Variants in MED12L observed in about 807,000 individuals in gnomAD.
MED12L encodes mediator complex subunit 12L, also known as mediator of RNA polymerase II transcription subunit 12-like protein.
MED12L carries 60 observed loss-of-function variants against 281.3 expected under a neutral mutation model. The ratio of observed to expected loss-of-function variants is 0.21; its 90% CI spans 0.17 to 0.26. MED12L has a LOEUF of 0.26. Among genes scored for constraint, MED12L ranks in the 10% least tolerant of loss-of-function variants. The pLI is 1.00. For missense variants in MED12L, 2,146 were observed against 2,680.9 expected, an observed-to-expected ratio of 0.80 and a Z score of 4.41; for synonymous variants, 974 against 987.2, an observed-to-expected ratio of 0.99 and a Z score of 0.25.
intron 12 of MED12L, among the ~76,000 whole-genome samples, chr3:151,187,907 T>G (rs1392540587): frequency 1.3e-5 from 2 of 152,208 alleles, no homozygotes; most frequent in Non-Finnish European, 2.9e-5. Flanking sequence ...GAAGACAACC[T>G]CAAATTATTT....
intron 39 of MED12L, among the ~76,000 whole-genome samples, chr3:151,396,580 C>G (rs1401474634): frequency 2.0e-5 from 3 of 152,214 alleles, no homozygotes; most frequent in Non-Finnish European, 4.4e-5. Flanking sequence ...GAGCCGAGAT[C>G]ACGCCACTGC....
chr3:151,414,984 C>A (rs1237065638), intron 42 of MED12L, among the ~76,000 whole-genome samples: 2 of 152,278 alleles, frequency 1.3e-5, no homozygotes, highest in African/African-American at 4.8e-5. Flanking sequence ...TTTCTTAAAT[C>A]ATTTTTTCCA....
At chr3:151,427,174 T>G (rs1433594923) in intron 43 of MED12L, among the ~76,000 whole-genome samples, 2 of 152,142 alleles carry the variant, frequency 1.3e-5, no homozygotes, top group Non-Finnish European at 2.9e-5. Flanking sequence ...AACATTTGAT[T>G]TGTTGTAATA....
intron 16 of MED12L, among the ~76,000 whole-genome samples, chr3:151,339,099 A>AT (rs1162281340): frequency 6.6e-6 from 1 of 152,024 alleles, no homozygotes; most frequent in Non-Finnish European, 1.5e-5. Context: ...GATGCTTAGT[A>AT]TTTTTTTATT....
chr3:151,231,348 C>T (rs1731629111), intron 16 of MED12L, among the ~76,000 whole-genome samples: 1 of 152,146 alleles, frequency 6.6e-6, no homozygotes, highest in African/African-American at 2.4e-5. Flanking sequence ...AGTCTGAAAA[C>T]ATACTCCCCC....
At chr3:151,239,464 T>C (rs896825738) in intron 16 of MED12L, among the ~76,000 whole-genome samples, 2 of 152,222 alleles carry the variant, frequency 1.3e-5, no homozygotes, top group Non-Finnish European at 2.9e-5. Flanking sequence ...GATATGAGAA[T>C]CCAACTGTCT....
chr3:151,409,915 TGATCTGTTGCCTTG>T (rs1485147410), intron 40 of MED12L, among the ~76,000 whole-genome samples: 15 of 152,166 alleles, frequency 9.9e-5, no homozygotes, highest in Admixed American at 8.5e-4. Flanking sequence ...CAGTGAGCTG[TGATCTGTTGCCTTG>T]GGCAACAGAG....
chr3:151,200,216 C>A (rs368137490), intron 16 of MED12L, among the ~76,000 whole-genome samples: 7 of 151,876 alleles, frequency 4.6e-5, no homozygotes, highest in African/African-American at 1.7e-4. Context: ...CTTGTCATGT[C>A]CCTCCCAAAT....
chr3:151,240,049 TTG>T (rs1553754052), intron 16 of MED12L, among the ~76,000 whole-genome samples: 2 of 151,514 alleles, frequency 1.3e-5, no homozygotes, highest in Non-Finnish European at 1.5e-5. Flanking sequence ...TTTTTTTTTT[TTG>T]TGTGTGTGTG....
intron 2 of MED12L, among the ~76,000 whole-genome samples, chr3:151,097,492 C>G (rs1202763447): frequency 2.0e-5 from 3 of 152,180 alleles, no homozygotes; most frequent in Admixed American, 2.0e-4. Context: ...GACTTCCAAC[C>G]CAGTGCCTGG....
chr3:151,360,832 C>T (rs1754516541), intron 21 of MED12L, among the ~76,000 whole-genome samples: 1 of 151,550 alleles, frequency 6.6e-6, no homozygotes, highest in African/African-American at 2.4e-5. Context: ...GGTTTTTTTT[C>T]CCCCAATATT....
At chr3:151,174,822 A>T (rs765563563) in intron 11 of MED12L, among the ~76,000 whole-genome samples, 3 of 151,976 alleles carry the variant, frequency 2.0e-5, no homozygotes, top group Non-Finnish European at 2.9e-5. Flanking sequence ...GGCTCATGTG[A>T]TCCCCAGCCG....
intron 16 of MED12L, among the ~76,000 whole-genome samples, chr3:151,299,770 G>A (rs546318533): frequency 1.3e-5 from 2 of 152,126 alleles, no homozygotes; most frequent in African/African-American, 4.8e-5. Flanking sequence ...AAAGTAATAC[G>A]TAATTTTAGT....
intron 16 of MED12L, among the ~76,000 whole-genome samples, chr3:151,325,807 A>G (rs1337324875): frequency 6.6e-6 from 1 of 152,208 alleles, no homozygotes; most frequent in Non-Finnish European, 1.5e-5. Flanking sequence ...GAGGCAAAAT[A>G]CACAGGTTAC....
intron 11 of MED12L, among the ~76,000 whole-genome samples, chr3:151,176,674 C>T (rs1268262080): frequency 6.6e-6 from 1 of 152,146 alleles, no homozygotes; most frequent in Non-Finnish European, 1.5e-5. Context: ...TGTAGTGACA[C>T]ATTGCCATAT....
At chr3:151,432,147 C>T (rs1719605882) in intron 44 of MED12L, among the ~76,000 whole-genome samples, 1 of 152,206 alleles carries the variant, frequency 6.6e-6, no homozygotes, top group Admixed American at 6.5e-5. Context: ...TTGAATACTC[C>T]AGAGTTAAAC....
At chr3:151,282,348 G>T (rs1742926826) in intron 16 of MED12L, among the ~76,000 whole-genome samples, 1 of 132,054 alleles carries the variant, frequency 7.6e-6, no homozygotes, top group Non-Finnish European at 1.6e-5. Context: ...ATATAATTTA[G>T]TTTTTTTTTG....
chr3:151,264,170 G>A (rs1390947048), intron 16 of MED12L, among the ~76,000 whole-genome samples: 1 of 152,142 alleles, frequency 6.6e-6, no homozygotes, highest in East Asian at 1.9e-4. Context: ...CTCTGTACTT[G>A]TATTTCCTTG....
chr3:151,118,162 T>TA (rs1466422676), intron 3 of MED12L, among the ~76,000 whole-genome samples: 2 of 151,948 alleles, frequency 1.3e-5, no homozygotes, highest in African/African-American at 4.8e-5. Context: ...GGGTTTTTTT[T>TA]ATATATATAT....
Sources: gnomAD v4.1 joint callset for allele counts (sites outside exome capture counted in the v4.1 genomes callset) on GRCh38, gnomAD v4.1.1 for gene constraint, MANE v1.5 for transcripts, NCBI Gene and HGNC (gene_info 2026-07-23, HGNC 2026-07-21) for gene names.